The following ABCC5 variants were observed in gnomAD, a reference collection of about 807,000 sequenced individuals.
ABCC5 encodes ATP binding cassette subfamily C member 5.
Under a neutral mutation model 160.9 loss-of-function variants are expected in ABCC5, and 61 were observed. That is an observed-to-expected ratio of 0.38 (90% confidence interval 0.31 to 0.47). ABCC5 has a LOEUF of 0.47. ABCC5 is among the 20% of genes least tolerant of loss of function. The pLI, the probability that ABCC5 is intolerant of heterozygous loss-of-function variation, is 0.99. For missense variants in ABCC5, 1,308 were observed against 1,813.3 expected (o/e 0.72, Z 5.06); for synonymous variants, 666 against 700.6 (o/e 0.95, Z 0.78).
rs1352353225 is a variant in ABCC5, at chr3:183,946,079, T to C, written c.3415-140A>G. On this transcript the variant is annotated intron_variant, in intron 23 of 29. Coordinates refer to ENST00000334444, the MANE Select transcript of ABCC5 (RefSeq NM_005688.4). ...TGGTCTTAGGGACCTAGTCATTCTC[T>C]TGGCTTTTAAGGCATACCTGTTACC... The C allele has an allele frequency of 1.8e-5, 14 of 791,504 alleles. No homozygotes were observed. The Admixed American group carries it at 2.5e-4, about 14-fold the overall frequency. The allele number at this position is 791,504 out of a possible 1,614,324, so 49.0% of individuals were successfully genotyped here. A position where few individuals can be genotyped will look rare whatever the true frequency, so the allele number is the denominator to read the frequency against.
At chr3:183,998,687 A>G (rs978941502) in intron 2 of ABCC5, among the ~76,000 whole-genome samples, 1 of 151,598 alleles carries the variant, frequency 6.6e-6, no homozygotes, top group African/African-American at 2.4e-5. Context: ...AAAACAAAAA[A>G]ACAAAAAACA....
Position 183,961,517 on chromosome 3 carries a change from T to C in ABCC5, c.2373A>G (p.Pro791=). Residue 791 remains proline (P), a synonymous_variant, in exon 16 of 30, where the codon CCA becomes CCG. Transcript: ENST00000334444. ...AAACACCATCAGATCTTACCTCAAC[T>C]GGCGGTGTCTCTCCCAGCAACAGGT... ...FNNLLLGETP[P]VEINSKKETS... is the part of the protein sequence containing the mutation. 1.2e-6 allele frequency: 2 copies of C among 1,614,174 alleles called. No individual in the cohort carries two copies. Among genetic ancestry groups the C allele is most frequent in the Non-Finnish European group, 8.5e-7 (1 of 1,180,020 alleles).
chr3:183,982,460 G>A lies in ABCC5; in HGVS notation c.990C>T (p.Tyr330=), dbSNP rs1299212623. 6.2e-7 allele frequency: 1 copy of A among 1,613,616 alleles called. No individual in the cohort carries two copies. The highest frequency in any genetic ancestry group is 1.3e-5 in the African/African-American group (1 of 74,912). ...TGGGAGGCTTACTCACCATTGCTGG[G>A]TAAAAGAGGATAAAAACAGCTGATC... ...FLGSAVFILF[Y]PAMMFASRLT... The change falls in exon 7 of 30, where the codon TAC becomes TAT. Residue 330 remains tyrosine, a synonymous_variant. Transcript: ENST00000334444. This position sits in a 1 kb window ranked among gnomAD's most constrained non-coding sequence, Gnocchi z 5.2.
intron 29 of ABCC5, among the ~76,000 whole-genome samples, chr3:183,922,230 G>T (rs139954445): frequency 0.061 from 9,244 of 152,076 alleles, 383 homozygotes; most frequent in East Asian, 0.17. Flanking sequence ...AAATTAGCTG[G>T]GTGTGGTGGT....
chr3:183,953,321 T>C (rs2108800094), intron 17 of ABCC5, 51 bp from the exon 18 acceptor site: 1 of 1,520,914 alleles, frequency 6.6e-7, no homozygotes, highest in African/African-American at 1.4e-5. Flanking sequence ...ACTATTTCCA[T>C]AAAACTAAGT....
chr3:183,941,257 C>A (rs1714315412), intron 25 of ABCC5, among the ~76,000 whole-genome samples: 1 of 152,146 alleles, frequency 6.6e-6, no homozygotes, highest in African/African-American at 2.4e-5. Flanking sequence ...AAAGGGAAAT[C>A]ATAACAAAGG....
In ABCC5 at chr3:183,961,733, C is replaced by T. The variant is rs1332210213; in HGVS notation, c.2236-79G>A. On this transcript the variant is annotated intron_variant, in intron 15 of 29. Transcript: ENST00000334444. Reference sequence around the variant, plus strand: ...AAACCCATACATTAGTTCAGTAGTTCTCTACAGGAGACGAGTTAAGCTCCC... The same window carrying T: ...AAACCCATACATTAGTTCAGTAGTTTTCTACAGGAGACGAGTTAAGCTCCC... The T allele has an allele frequency of 1.3e-5, 20 of 1,552,032 alleles. No individual in the cohort carries two copies. The East Asian group carries it at 4.1e-4, about 31-fold the overall frequency.
At chr3:183,940,665 C>A (rs1714244644) in intron 25 of ABCC5, among the ~76,000 whole-genome samples, 1 of 151,834 alleles carries the variant, frequency 6.6e-6, no homozygotes, top group East Asian at 1.9e-4. Flanking sequence ...TAGGTTTGGA[C>A]CACCTGGACT....
intron 26 of ABCC5, among the ~76,000 whole-genome samples, chr3:183,935,671 C>T (rs1306291606): frequency 6.6e-6 from 1 of 150,816 alleles, no homozygotes; most frequent in Non-Finnish European, 1.5e-5. Context: ...GCCACCACAC[C>T]TGGCTAATTT....
intron 11 of ABCC5, among the ~76,000 whole-genome samples, chr3:183,969,178 A>G (rs1717507491): frequency 6.6e-6 from 1 of 152,150 alleles, no homozygotes; most frequent in African/African-American, 2.4e-5. Flanking sequence ...CTCTTCCCTA[A>G]AGCAAAGGCC....
chr3:183,998,401 G>A (rs968977304), intron 2 of ABCC5, among the ~76,000 whole-genome samples: 7 of 152,254 alleles, frequency 4.6e-5, no homozygotes, highest in Admixed American at 2.0e-4. Context: ...CGACTAGTAT[G>A]CATTTATAAA....
intron 10 of ABCC5, among the ~76,000 whole-genome samples, chr3:183,973,238 T>C (rs140167615): frequency 6.6e-6 from 1 of 151,290 alleles, no homozygotes; most frequent in African/African-American, 2.4e-5. Context: ...GTATTTTTAG[T>C]AGAGACAGGG....
At chr3:183,977,456 G>C (rs894356099) in intron 10 of ABCC5, 61 bp downstream of exon 10, 3 of 1,314,190 alleles carry the variant, frequency 2.3e-6, no homozygotes, top group African/African-American at 2.9e-5. Flanking sequence ...CTTGAACAGA[G>C]CCAGCAGTTA....
At position 183,952,775 on chromosome 3, in the gene ABCC5, C is replaced by T. The variant is rs552827307; in HGVS notation, c.2667+311G>A. 8.5e-5 allele frequency among the ~76,000 whole-genome samples: 13 copies of T among 152,314 alleles called. No individual in the cohort carries two copies. In the East Asian group the frequency reaches 2.5e-3, roughly 29 times the overall value. On this transcript the variant is annotated intron_variant, in intron 18 of 29. Transcript: ENST00000334444. ...ATGTGGAACTGTGAGTCAATTAACC[C>T]TCTTTCCTTTGTCAAGTACCCCGTC...
intron 25 of ABCC5, among the ~76,000 whole-genome samples, chr3:183,938,368 G>A (rs541779495): frequency 2.0e-5 from 3 of 151,718 alleles, no homozygotes; most frequent in African/African-American, 7.3e-5. Flanking sequence ...GTGCGATCTC[G>A]GCTCACTGCA....
intron 2 of ABCC5, chr3:184,011,461 T>C (rs1327542366): frequency 6.6e-6 from 1 of 151,674 alleles, no homozygotes; most frequent in Non-Finnish European, 1.5e-5. Flanking sequence ...GAATGTAAAA[T>C]GGCACAGACA....
At chr3:183,933,165 C>CAAA (rs55863712) in intron 26 of ABCC5, among the ~76,000 whole-genome samples, 29 of 73,632 alleles carry the variant, frequency 3.9e-4, no homozygotes, top group East Asian at 6.9e-4. Flanking sequence ...GAGACTGTCT[C>CAAA]AAAAAAAAAA....
At chr3:183,961,382 C>T (rs1716717941) in intron 16 of ABCC5, 129 bp downstream of exon 16, 1 of 1,193,798 alleles carries the variant, frequency 8.4e-7, no homozygotes, top group Non-Finnish European at 1.2e-6. Flanking sequence ...AGTCTGTTCA[C>T]CAGAAAACAG....
intron 8 of ABCC5, among the ~76,000 whole-genome samples, chr3:183,979,610 T>A (rs539711636): frequency 6.6e-6 from 1 of 152,312 alleles, no homozygotes; most frequent in South Asian, 2.1e-4. Context: ...AGACGAGGTC[T>A]CGCTCTGTTG....
Sources: gnomAD v4.1 joint callset for allele counts (sites outside exome capture counted in the v4.1 genomes callset) on GRCh38, gnomAD v4.1.1 for gene constraint, Gnocchi (gnomAD v3.1) non-coding constraint, MANE v1.5 for transcripts, NCBI Gene and HGNC (gene_info 2026-07-23, HGNC 2026-07-21) for gene names.